The following TM6SF2 variants were observed in gnomAD, a reference collection of about 807,000 sequenced individuals.
TM6SF2 encodes transmembrane 6 superfamily member 2.
A neutral mutation model predicts 41.0 loss-of-function variants in TM6SF2; 29 were observed. The ratio of observed to expected loss-of-function variants is 0.71; its 90% CI spans 0.53 to 0.96. The LOEUF (loss-of-function observed/expected upper bound fraction) is 0.96. Among genes scored for constraint, TM6SF2 ranks in the 50% least tolerant of loss-of-function variants. TM6SF2 has a pLI of 0.00. For missense variants in TM6SF2, 475 were observed against 499.0 expected (o/e 0.95, Z 0.46); for synonymous variants, 200 against 209.1 (o/e 0.96, Z 0.37).
chr19:19,270,729 C>G (rs921548959), intron 2 of TM6SF2, among the ~76,000 whole-genome samples: 1 of 152,150 alleles, frequency 6.6e-6, no homozygotes, highest in Non-Finnish European at 1.5e-5. Context: ...GAGGCACCGT[C>G]CCTGCCCTCA....
At chr19:19,269,535 G>A (rs2061015286) in intron 5 of TM6SF2, 152 bp downstream of exon 5, 2 of 894,468 alleles carry the variant, frequency 2.2e-6, no homozygotes, top group Admixed American at 2.3e-5. Context: ...GGAAAGGGGT[G>A]GGCTGCTGAC....
chr19:19,273,061 T>TTCCC, intron 1 of TM6SF2, 60 bp downstream of exon 1: 1 of 305,466 alleles, frequency 3.3e-6, no homozygotes, highest in Non-Finnish European at 6.1e-6. Flanking sequence ...CCTCCAGTCC[T>TTCCC]CCCCGCCCCC....
intron 8 of TM6SF2, among the ~76,000 whole-genome samples, 185 bp downstream of exon 8, chr19:19,267,436 A>C (rs72999059): frequency 0.16 from 23,756 of 151,724 alleles, 2,039 homozygotes; most frequent in Middle Eastern, 0.27. Context: ...AAGAGCCCAG[A>C]GTCTGCACCT....
At chr19:19,267,838 A>G (rs373723689) in intron 7 of TM6SF2, 125 bp from the exon 8 acceptor site, 9 of 1,097,578 alleles carry the variant, frequency 8.2e-6, no homozygotes, top group African/African-American at 7.9e-5. Context: ...GCTGGCTGGG[A>G]GAAATGGGGC....
rs2061018499 is a variant in TM6SF2, at chr19:19,270,264, G to A, written c.310C>T (p.Leu104=). 6.2e-7 allele frequency: 1 copy of A among 1,614,226 alleles called. No homozygotes were observed. The part of the protein sequence containing the change: ...EFYTKEGEPY[L]RTAHGVFICY... ...ATGAAGACTCCGTGCGCTGTGCGCA[G>A]GTATGGCTCTCCCTGTGGGGGCAGG... The change falls in exon 4 of 10, where the codon CTG becomes TTG. Residue 104 remains leucine, a synonymous_variant. Coordinates refer to ENST00000389363, the MANE Select transcript of TM6SF2 (RefSeq NM_001001524.3).
intron 5 of TM6SF2, among the ~76,000 whole-genome samples, chr19:19,269,356 T>C (rs2061014677): frequency 6.6e-6 from 1 of 152,190 alleles, no homozygotes; most frequent in Non-Finnish European, 1.5e-5. Context: ...CCTTCACTGC[T>C]CTACCTCCCA....
intron 9 of TM6SF2, 126 bp from the exon 10 acceptor site, chr19:19,264,999 T>C (rs2060997918): frequency 1.9e-6 from 1 of 532,310 alleles, no homozygotes; most frequent in Non-Finnish European, 3.1e-6. Context: ...TCTCGGGCTT[T>C]GCTCATCTAT....
intron 4 of TM6SF2, 108 bp downstream of exon 4, chr19:19,270,065 C>G (rs1197749558): frequency 1.3e-6 from 2 of 1,556,256 alleles, no homozygotes; most frequent in East Asian, 4.8e-5. Context: ...AGAGAGGCGT[C>G]CTGATTTCTC....
At chr19:19,266,304 T>TG (rs890289824) in intron 9 of TM6SF2, among the ~76,000 whole-genome samples, 186 bp downstream of exon 9, 1 of 152,120 alleles carries the variant, frequency 6.6e-6, no homozygotes, top group African/African-American at 2.4e-5. Flanking sequence ...CCTATTTTCA[T>TG]GGGGCTTGGA....
At chr19:19,270,505 TTA>T in intron 2 of TM6SF2, 63 bp from the exon 3 acceptor site, 1 of 1,544,588 alleles carries the variant, frequency 6.5e-7, no homozygotes, top group South Asian at 1.2e-5. Context: ...GGGCTAGGGC[TTA>T]GTGTGGGCGG....
At chr19:19,265,407 C>CTATCTGTCTATCTATTT (rs1478604397) in intron 9 of TM6SF2, among the ~76,000 whole-genome samples, 1 of 87,638 alleles carries the variant, frequency 1.1e-5, no homozygotes, top group Non-Finnish European at 2.4e-5. Flanking sequence ...TCTATCTATC[C>CTATCTGTCTATCTATTT]ATCCATCCAT....
chr19:19,266,523 G>T lies in TM6SF2; in HGVS notation c.891C>A (p.Asp297Glu). ...LTFPGCSWLP[D>E]WALVFAGGIG... ...TGCCTCCAGCAAACACCAAGGCCCA[G>T]TCTGGAAGCCAGGAGCAACCAGGGA... The change falls in exon 9 of 10, where the codon GAC becomes GAA. Residue 297 changes from aspartate to glutamate, a missense_variant. Around this residue, in one of 3 missense-constraint regions of TM6SF2, gnomAD observed 190 missense variants for 190.2 expected, o/e 1.00. Transcript: ENST00000389363. The T allele has an allele frequency of 6.2e-7, 1 of 1,613,992 alleles. No individual in the cohort carries two copies. The highest frequency in any genetic ancestry group is 8.5e-7 in the Non-Finnish European group (1 of 1,179,958).
intron 1 of TM6SF2, 60 bp downstream of exon 1, chr19:19,273,061 T>TTGCCCCCCCC: frequency 6.5e-6 from 2 of 305,466 alleles, no homozygotes; most frequent in East Asian, 8.6e-5. Flanking sequence ...CCTCCAGTCC[T>TTGCCCCCCCC]CCCCGCCCCC....
rs202224896 is a variant in TM6SF2, at chr19:19,267,724, C to T, written c.712-11G>A. The T allele has an allele frequency of 4.6e-4, 739 of 1,612,238 alleles. 2 individuals are homozygous for T. The highest frequency in any genetic ancestry group is 9.9e-4 in the Middle Eastern group (6 of 6,062). ...GCAATCAAGCACCACCTGGAGCAGA[C>T]AGACATACCAAGAACCCTCAGACAT... On this transcript the variant is annotated splice_polypyrimidine_tract_variant and intron_variant, in intron 7 of 9. Transcript: ENST00000389363.
rs951684989 is a variant in TM6SF2 at position 19,266,796 on chromosome 19, C to T, written c.805-187G>A. On this transcript the variant is annotated intron_variant, in intron 8 of 9. Transcript: ENST00000389363. ...CTTGCCCCCAACCCCCGAACACATA[C>T]ACCAAACCTACTAACCTTTCTCTGA... 19 of 620,924 alleles carry T rather than the reference C, an allele frequency of 3.1e-5. No homozygotes were observed. In the Admixed American group the frequency reaches 5.4e-4, roughly 18 times the overall value. The allele number at this position is 620,924 out of a possible 1,614,324, so 38.5% of individuals were successfully genotyped here.
rs1216044176 is a variant in TM6SF2 at position 19,264,842 on chromosome 19, T to C, written c.956A>G (p.His319Arg). 1 of 1,589,038 alleles carries C rather than the reference T, an allele frequency of 6.3e-7. No homozygotes were observed. Among genetic ancestry groups the C allele is most frequent in the Non-Finnish European group, 8.6e-7 (1 of 1,168,718 alleles). Reference protein sequence around the residue: ...AQFSHMGASMHLRTPFTYRVP... With the variant: ...AQFSHMGASMRLRTPFTYRVP... ...ACGGTAGGTGAAGGGTGTGCGCAGG[T>C]GCATGGAAGCCCCCATGTGCGAGAA... is the stretch of plus-strand genomic sequence containing the variant. The change falls in exon 10 of 10, where the codon CAC becomes CGC. Residue 319 changes from histidine (H) to arginine (R), a missense_variant. Around this residue, in one of 3 missense-constraint regions of TM6SF2, gnomAD observed 190 missense variants for 190.2 expected, o/e 1.00. Transcript: ENST00000389363.
At position 19,270,215 on chromosome 19, in the gene TM6SF2, T is replaced by C. The variant is rs1206356828; in HGVS notation, c.359A>G (p.His120Arg). 1 of 1,614,124 alleles carries C rather than the reference T, an allele frequency of 6.2e-7. No individual in the cohort carries two copies. The highest frequency in any genetic ancestry group is 8.5e-7 in the Non-Finnish European group (1 of 1,180,030). ...VFICYWDGTV[H>R]YLLYLAMAGA... The stretch of plus-strand genomic sequence containing the variant: ...GGCCATGGCCAGGTAGAGGAGGTAG[T>C]GAACAGTGCCATCCCAGTAGCAGAT... The change falls in exon 4 of 10, where the codon CAC (histidine) becomes CGC (arginine). Residue 120 changes from histidine to arginine, a missense_variant. Transcript: ENST00000389363.
chr19:19,267,593 T>G (rs764347802), intron 8 of TM6SF2, 28 bp downstream of exon 8: 3 of 1,562,884 alleles, frequency 1.9e-6, no homozygotes, highest in East Asian at 2.3e-5. Flanking sequence ...ATGGCAGGGG[T>G]GTGGTCTTCT....
At chr19:19,269,830 C>T in intron 4 of TM6SF2, 61 bp from the exon 5 acceptor site, 1 of 1,611,520 alleles carries the variant, frequency 6.2e-7, no homozygotes, top group Non-Finnish European at 8.5e-7. Flanking sequence ...GAGCCCCAGC[C>T]AGGGCCTGGA....
Sources: gnomAD v4.1 joint callset for allele counts (sites outside exome capture counted in the v4.1 genomes callset) on GRCh38, gnomAD v4.1.1 for gene constraint, gnomAD v4.1.1 regional missense constraint, MANE v1.5 for transcripts, NCBI Gene and HGNC (gene_info 2026-07-23, HGNC 2026-07-21) for gene names.